NCOA7: variants seen among roughly 807,000 people sequenced by gnomAD.
NCOA7 encodes the protein 140 kDa estrogen receptor-associated protein.
In NCOA7, 45 loss-of-function variants were observed where a neutral mutation model predicts 104.3. The observed-to-expected ratio is 0.43, with a 90% CI of 0.34 to 0.55. The LOEUF (loss-of-function observed/expected upper bound fraction) is 0.55. Among genes scored for constraint, NCOA7 ranks in the 20% least tolerant of loss-of-function variants. The probability of loss-of-function intolerance (pLI) is 0.02; values close to 1 mark genes in which losing one functional copy is unlikely to be tolerated. For synonymous variants in NCOA7, 398 were observed against 402.3 expected (o/e 0.99, Z 0.13); for missense variants, 1,041 against 1,119.7 (o/e 0.93, Z 1.00).
chr6:125,855,000 T>G lies in NCOA7; in HGVS notation c.51-20T>G. ...AAATCATCTCTCCAATGTTTTTTCTTTTTTTTCCCTCTTTCCTAGACTGAA... is the reference window on the plus strand; with the variant it reads ...AAATCATCTCTCCAATGTTTTTTCTGTTTTTTCCCTCTTTCCTAGACTGAA... On this transcript the variant is annotated intron_variant, in intron 2 of 15. Coordinates refer to ENST00000392477, the MANE Select transcript of NCOA7 (RefSeq NM_181782.5). The G allele has an allele frequency of 2.6e-6, 4 of 1,553,506 alleles. No individual in the cohort carries two copies. Among genetic ancestry groups the G allele is most frequent in the Non-Finnish European group, 3.5e-6 (4 of 1,150,214 alleles).
intron 3 of NCOA7, among the ~76,000 whole-genome samples, chr6:125,873,549 A>T (rs1583431876): frequency 6.6e-6 from 1 of 152,124 alleles, no homozygotes; most frequent in Admixed American, 6.5e-5. Flanking sequence ...CTTACCTATC[A>T]TGCTTTATTT....
Position 125,882,449 on chromosome 6 carries a change from C to G in NCOA7, c.597C>G (p.Ala199=). The G allele has an allele frequency of 1.2e-6, 2 of 1,613,492 alleles. No individual in the cohort carries two copies. The highest frequency in any genetic ancestry group is 1.7e-6 in the Non-Finnish European group (2 of 1,179,812). ...AGGATGCTGACTTAGCACGAAAGGCCTTGAAACCCATTGAAAGAGTCTTAT... is the reference window on the plus strand; with the variant it reads ...AGGATGCTGACTTAGCACGAAAGGCGTTGAAACCCATTGAAAGAGTCTTAT... ...KLPDADLARK[A]LKPIERVLSS... is the part of the protein sequence containing the mutation. Residue 199 remains alanine, a synonymous_variant, in exon 7 of 16, where the codon GCC becomes GCG. Transcript: ENST00000392477.
chr6:125,917,349 A>G (rs2128692342), intron 11 of NCOA7, among the ~76,000 whole-genome samples: 1 of 152,020 alleles, frequency 6.6e-6, no homozygotes, highest in African/African-American at 2.4e-5. Context: ...TACCTTCCTC[A>G]TCACTGCTTT....
intron 1 of NCOA7, among the ~76,000 whole-genome samples, chr6:125,785,356 G>A (rs1322164222): frequency 6.6e-6 from 1 of 152,098 alleles, no homozygotes; most frequent in East Asian, 1.9e-4. Flanking sequence ...AAACTGGTGA[G>A]ATCTGAATAA....
chr6:125,907,374 A>G (rs1461786923), intron 10 of NCOA7, among the ~76,000 whole-genome samples: 1 of 133,712 alleles, frequency 7.5e-6, no homozygotes, highest in Non-Finnish European at 1.6e-5. Context: ...GCGATGGGGG[A>G]AGCATTCAGG....
chr6:125,796,613 C>G (rs1775358026), intron 1 of NCOA7: 1 of 151,678 alleles, frequency 6.6e-6, no homozygotes, highest in Non-Finnish European at 1.5e-5. Context: ...AAAGTCTGTA[C>G]ATGTTCAGTA....
intron 4 of NCOA7, among the ~76,000 whole-genome samples, chr6:125,876,524 A>G (rs986559097): frequency 1.3e-5 from 2 of 151,910 alleles, no homozygotes; most frequent in African/African-American, 4.8e-5. Flanking sequence ...CTTTATTCAC[A>G]TGCTCCTCCA....
At chr6:125,841,242 A>G (rs1200470358) in intron 2 of NCOA7, among the ~76,000 whole-genome samples, 1 of 152,020 alleles carries the variant, frequency 6.6e-6, no homozygotes, top group Non-Finnish European at 1.5e-5. Context: ...ACTGGTTACA[A>G]CTGCCTACAG....
Position 125,829,024 on chromosome 6 carries a change from A to G in NCOA7, c.50+13620A>G, listed in dbSNP as rs192324431. Among the ~76,000 whole-genome samples, 499 of 152,312 alleles carry G rather than the reference A, an allele frequency of 3.3e-3. 1 individual carries two copies. Among genetic ancestry groups the G allele is most frequent in the African/African-American group, 0.011 (474 of 41,574 alleles). On this transcript the variant is annotated intron_variant, in intron 2 of 15. Coordinates refer to ENST00000392477, the MANE Select transcript of NCOA7 (RefSeq NM_181782.5). ...CATAGTGCCCTTTAAATAGAATGTA[A>G]AAATAATTAGAACATTCTCTTCCAT...
At chr6:125,884,933 C>T (rs1784134776) in intron 7 of NCOA7, among the ~76,000 whole-genome samples, 1 of 152,228 alleles carries the variant, frequency 6.6e-6, no homozygotes, top group African/African-American at 2.4e-5. Flanking sequence ...GAACCAGGCT[C>T]AGCTGGTTGC....
At chr6:125,879,907 G>A (rs978065197) in intron 5 of NCOA7, among the ~76,000 whole-genome samples, 2 of 152,140 alleles carry the variant, frequency 1.3e-5, no homozygotes, top group African/African-American at 4.8e-5. Flanking sequence ...GGGAGGCTGA[G>A]GCAGGAGAAT....
intron 2 of NCOA7, among the ~76,000 whole-genome samples, chr6:125,827,714 A>G (rs538570193): frequency 2.0e-5 from 3 of 152,294 alleles, no homozygotes; most frequent in South Asian, 4.1e-4. Context: ...CTAGGTAGGG[A>G]GAATCCTTGG....
chr6:125,838,443 A>G (rs1457478763), intron 2 of NCOA7, among the ~76,000 whole-genome samples: 1 of 152,192 alleles, frequency 6.6e-6, no homozygotes, highest in East Asian at 1.9e-4. Context: ...TCTTTCCTAG[A>G]TCAGGACAAG....
chr6:125,844,194 A>G (rs1028102511), intron 2 of NCOA7, among the ~76,000 whole-genome samples: 6 of 152,188 alleles, frequency 3.9e-5, no homozygotes, highest in African/African-American at 1.4e-4. Flanking sequence ...TTGTTCTTTG[A>G]GGCTAGGGGA....
At chr6:125,803,319 CT>C (rs2063431181) in intron 1 of NCOA7, among the ~76,000 whole-genome samples, 1 of 152,154 alleles carries the variant, frequency 6.6e-6, no homozygotes, top group South Asian at 2.1e-4. Flanking sequence ...CCCCTGTTTC[CT>C]GATTATTTTA....
intron 13 of NCOA7, among the ~76,000 whole-genome samples, chr6:125,924,142 A>G (rs537291192): frequency 6.6e-6 from 1 of 152,380 alleles, no homozygotes; most frequent in Non-Finnish European, 1.5e-5. Context: ...ATTGGATGTT[A>G]TATTTTGGAT....
In NCOA7 at chr6:125,863,249, AC is replaced by A. The variant is rs1250960039; in HGVS notation, c.271+8011del. On this transcript the variant is annotated intron_variant, in intron 3 of 15. Transcript: ENST00000392477. ...TGTTTCAAGGGACACTCCTTTCCTGACCTCTCACAGCCCCAGCACTCTAATT... is the reference window on the plus strand; with the variant it reads ...TGTTTCAAGGGACACTCCTTTCCTGACTCTCACAGCCCCAGCACTCTAATT... Among the ~76,000 whole-genome samples, 5 of 137,316 alleles carry A rather than the reference AC, an allele frequency of 3.6e-5. 1 individual carries two copies. The highest frequency in any genetic ancestry group is 6.9e-5 in the Admixed American group (1 of 14,478). 90.1% of individuals were successfully genotyped at this position (137,316 alleles called of 152,430 possible).
At chr6:125,869,590 G>A (rs1170001919) in intron 3 of NCOA7, among the ~76,000 whole-genome samples, 1 of 152,184 alleles carries the variant, frequency 6.6e-6, no homozygotes, top group East Asian at 1.9e-4. Context: ...GGCTATCAAC[G>A]TGGCCCAGTG....
Position 125,928,815 on chromosome 6 carries a change from G to T in NCOA7, c.*44G>T, listed in dbSNP as rs371002998. 1.3e-6 allele frequency: 2 copies of T among 1,588,624 alleles called. No homozygotes were observed. Among genetic ancestry groups the T allele is most frequent in the Admixed American group, 1.8e-5 (1 of 55,042 alleles). On this transcript the variant is annotated 3_prime_UTR_variant, in exon 16 of 16. Coordinates refer to ENST00000392477, the MANE Select transcript of NCOA7 (RefSeq NM_181782.5). ...ATATAACATTAAAAAGACTGGGTTC[G>T]ATCAGCCCTCCTAAAGCTGGCTGGA...
Sources: allele counts gnomAD v4.1 joint callset (sites outside exome capture counted in the v4.1 genomes callset), GRCh38; gene constraint gnomAD v4.1.1; transcripts MANE v1.5; gene names NCBI Gene and HGNC (gene_info 2026-07-23, HGNC 2026-07-21).